The following STK32C variants were observed in gnomAD, a reference collection of about 807,000 sequenced individuals.
STK32C encodes serine/threonine-protein kinase 32C.
In STK32C, 31 loss-of-function variants were observed where a neutral mutation model predicts 56.5. The observed-to-expected ratio is 0.55, with a 90% CI of 0.41 to 0.74. The LOEUF (loss-of-function observed/expected upper bound fraction) is 0.74, where lower values mean the gene tolerates loss of function less well. Ranked by LOEUF, STK32C falls within the 30% of genes least tolerant of loss-of-function variation. The pLI is 0.00. For synonymous variants in STK32C, 309 were observed against 289.4 expected (o/e 1.07, Z -0.69); for missense variants, 544 against 676.9 (o/e 0.80, Z 2.18).
intron 1 of STK32C, among the ~76,000 whole-genome samples, chr10:132,273,357 G>A (rs1037748562): frequency 2.6e-5 from 4 of 152,170 alleles, no homozygotes; most frequent in African/African-American, 9.7e-5. Flanking sequence ...TGTCTGTGGG[G>A]CTCAGGGAGA....
chr10:132,311,572 G>GCGA (rs1281002377), upstream of STK32C, among the ~76,000 whole-genome samples: 1 of 152,232 alleles, frequency 6.6e-6, no homozygotes, highest in African/African-American at 2.4e-5. This position sits in a 1 kb window ranked among gnomAD's most constrained non-coding sequence, Gnocchi z 4.4. Context: ...AAGGAGCACA[G>GCGA]CGACGGAGAA....
intron 1 of STK32C, among the ~76,000 whole-genome samples, chr10:132,265,514 G>T (rs1284202156): frequency 2.6e-5 from 4 of 152,184 alleles, no homozygotes; most frequent in Non-Finnish European, 4.4e-5. Flanking sequence ...TGGGTGTGAG[G>T]AGAGGACACG....
chr10:132,283,056 C>A (rs947856688), intron 1 of STK32C, among the ~76,000 whole-genome samples: 1 of 152,250 alleles, frequency 6.6e-6, no homozygotes, highest in East Asian at 1.9e-4. Context: ...CTCCATGCAG[C>A]CAACCCGGGG....
At chr10:132,279,641 G>A (rs922751604) in intron 1 of STK32C, among the ~76,000 whole-genome samples, 4 of 131,302 alleles carry the variant, frequency 3.0e-5, no homozygotes, top group Admixed American at 3.0e-4. Flanking sequence ...TCCACTCCCT[G>A]ATCATGCCAC....
In STK32C at chr10:132,307,897, C is replaced by A; in HGVS notation, c.-64G>T. 2.7e-6 allele frequency: 3 copies of A among 1,123,406 alleles called. No homozygotes were observed. The highest frequency in any genetic ancestry group is 2.0e-5 in the South Asian group (1 of 50,170). The allele number at this position is 1,123,406 out of a possible 1,614,324, so 69.6% of individuals were successfully genotyped here. On this transcript the variant is annotated 5_prime_UTR_variant, in exon 1 of 12. Transcript: ENST00000298630. The surrounding 1 kb of genome is among the most constrained non-coding windows in gnomAD (Gnocchi z 4.4). ...CATGGCCGGCCGGCAGGGCCGGGAG[C>A]GGCAGTGGTAGCGGGAGCGCTCGGG... is the stretch of plus-strand genomic sequence containing the variant.
rs140054026 is a variant in STK32C at position 132,224,614 on chromosome 10, AC to A, written c.877-92del. The A allele has an allele frequency of 3.8e-3, 3,429 of 909,086 alleles. 62 individuals are homozygous for A. In the African/African-American group the frequency reaches 0.038, roughly 10 times the overall value. The allele number at this position is 909,086 out of a possible 1,614,324, so 56.3% of individuals were successfully genotyped here. Reference sequence around the variant, plus strand: ...ACACAGGTGCCATCGCCCTGAGAGGACCCCCTCCCCCCACCCCAAGTGCAGG... The same window carrying A: ...ACACAGGTGCCATCGCCCTGAGAGGACCCCTCCCCCCACCCCAAGTGCAGG... On this transcript the variant is annotated intron_variant, in intron 7 of 11. Coordinates refer to ENST00000298630, the MANE Select transcript of STK32C (RefSeq NM_173575.4).
At chr10:132,213,731 T>C (rs989846525) in intron 10 of STK32C, among the ~76,000 whole-genome samples, 2 of 152,106 alleles carry the variant, frequency 1.3e-5, no homozygotes, top group East Asian at 3.9e-4. Context: ...TTGAAATAAC[T>C]GTGATTAATA....
intron 2 of STK32C, among the ~76,000 whole-genome samples, chr10:132,233,300 C>T (rs2063162088): frequency 6.6e-6 from 1 of 152,168 alleles, no homozygotes; most frequent in Non-Finnish European, 1.5e-5. Context: ...ACTCCAGAGG[C>T]AGTTCCATCT....
rs747363352 is a variant in STK32C at position 132,208,120 on chromosome 10, G to A, written c.1351C>T (p.Pro451Ser). The A allele has an allele frequency of 7.6e-7, 1 of 1,310,780 alleles. No individual in the cohort carries two copies. The highest frequency in any genetic ancestry group is 2.8e-5 in the East Asian group (1 of 35,654). The allele number at this position is 1,310,780 out of a possible 1,614,324, so 81.2% of individuals were successfully genotyped here. Residue 451 changes from proline (P) to serine (S), a missense_variant, in exon 12 of 12, where the codon CCT becomes TCT. Transcript: ENST00000298630. ...LKRSQDLPRE[P>S]LPAPESRDAA... ...TCCCTGGACTCAGGGGCGGGGAGAG[G>A]CTCCCTCGGGAGGTCCTGGCTCCTC...
chr10:132,262,787 T>C (rs941047857), intron 1 of STK32C, among the ~76,000 whole-genome samples: 2 of 141,000 alleles, frequency 1.4e-5, no homozygotes, highest in Non-Finnish European at 3.1e-5. Context: ...GTAAAATACA[T>C]GAACAGACAC....
chr10:132,275,238 C>A (rs1422293848), intron 1 of STK32C, among the ~76,000 whole-genome samples: 1 of 152,218 alleles, frequency 6.6e-6, no homozygotes, highest in East Asian at 1.9e-4. Flanking sequence ...GCTGCCCCAC[C>A]AGGCCCCATG....
intron 2 of STK32C, among the ~76,000 whole-genome samples, chr10:132,229,627 G>A (rs2063023140): frequency 1.3e-5 from 2 of 152,224 alleles, no homozygotes; most frequent in Non-Finnish European, 2.9e-5. Context: ...TCTGCCCCCA[G>A]AGGTTCCTGT....
intron 2 of STK32C, among the ~76,000 whole-genome samples, chr10:132,230,093 T>G (rs1345362158): frequency 6.6e-6 from 1 of 151,270 alleles, no homozygotes; most frequent in African/African-American, 2.4e-5. Context: ...CGGGGGCAGC[T>G]GCAGGCAGCC....
chr10:132,289,092 T>C (rs2138289046), intron 1 of STK32C, among the ~76,000 whole-genome samples: 1 of 152,216 alleles, frequency 6.6e-6, no homozygotes, highest in Non-Finnish European at 1.5e-5. Flanking sequence ...AGTGTGTTAC[T>C]GGCAACAAGA....
intron 1 of STK32C, among the ~76,000 whole-genome samples, chr10:132,269,434 GGGCTGCCTCCCAGCCCTGCT>G (rs1163385603): frequency 6.6e-6 from 1 of 152,224 alleles, no homozygotes; most frequent in East Asian, 1.9e-4. Context: ...CCTGAGCTCA[GGGCTGCCTCCCAGCCCTGCT>G]GGCTGCTGCA....
intron 8 of STK32C, among the ~76,000 whole-genome samples, chr10:132,223,721 G>C (rs974880442): frequency 6.6e-6 from 1 of 152,182 alleles, no homozygotes; most frequent in Admixed American, 6.5e-5. Context: ...CCACCTGCCT[G>C]AGACACGGGG....
At chr10:132,327,780 A>G (rs1177251877) in intron 1 of STK32C, among the ~76,000 whole-genome samples, 1 of 152,100 alleles carries the variant, frequency 6.6e-6, no homozygotes, top group Non-Finnish European at 1.5e-5. Flanking sequence ...CTTGGCCTAT[A>G]ATAGGTAATT....
chr10:132,304,914 C>T (rs2066012015), intron 1 of STK32C, among the ~76,000 whole-genome samples: 1 of 152,226 alleles, frequency 6.6e-6, no homozygotes, highest in Non-Finnish European at 1.5e-5. Context: ...AATGCCACGT[C>T]AGGCTGGAGA....
intron 1 of STK32C, chr10:132,330,152 G>A: frequency 2.7e-6 from 1 of 373,488 alleles, no homozygotes; most frequent in East Asian, 5.2e-5. Context: ...CAATCTGGCT[G>A]GGCAAAAACT....
Sources: gnomAD v4.1 joint callset for allele counts (sites outside exome capture counted in the v4.1 genomes callset) on GRCh38, gnomAD v4.1.1 for gene constraint, Gnocchi (gnomAD v3.1) non-coding constraint, MANE v1.5 for transcripts, NCBI Gene and HGNC (gene_info 2026-07-23, HGNC 2026-07-21) for gene names.